The following FLT1 variants were observed in gnomAD, a reference collection of about 807,000 sequenced individuals.
The protein encoded by FLT1 is vascular endothelial growth factor receptor 1.
FLT1 carries 49 observed loss-of-function variants against 156.3 expected under a neutral mutation model. That is an observed-to-expected ratio of 0.31 (90% CI 0.25 to 0.40). The LOEUF is 0.40. Among genes scored for constraint, FLT1 ranks in the 10% least tolerant of loss-of-function variants. FLT1 has a pLI of 1.00. For synonymous variants in FLT1, 594 were observed against 583.8 expected, an observed-to-expected ratio of 1.02 and a Z score of -0.25; for missense variants, 1,322 against 1,637.2, an observed-to-expected ratio of 0.81 and a Z score of 3.32.
intron 15 of FLT1, among the ~76,000 whole-genome samples, chr13:28,356,984 A>G (rs1395618518): frequency 6.6e-6 from 1 of 152,250 alleles, no homozygotes; most frequent in Non-Finnish European, 1.5e-5. Context: ...TCTGAGACCT[A>G]TAAAGAGGAA....
At chr13:28,452,319 G>A (rs1878991320) in intron 3 of FLT1, among the ~76,000 whole-genome samples, 1 of 152,070 alleles carries the variant, frequency 6.6e-6, no homozygotes. Flanking sequence ...CCTTAAACAT[G>A]GTATTGAATT....
intron 18 of FLT1, 102 bp from the exon 19 acceptor site, chr13:28,329,830 G>A (rs1428759097): frequency 1.1e-6 from 1 of 932,476 alleles, no homozygotes; most frequent in Non-Finnish European, 1.7e-6. Context: ...TCAGCCGGTT[G>A]CTTCACTAAC....
chr13:28,381,284 C>T (rs183919266), intron 14 of FLT1, among the ~76,000 whole-genome samples: 13 of 152,270 alleles, frequency 8.5e-5, no homozygotes, highest in African/African-American at 1.4e-4. Flanking sequence ...TGGCCCTGTG[C>T]GGTGGGTCAC....
At chr13:28,425,505 A>G (rs1051838305) in intron 10 of FLT1, among the ~76,000 whole-genome samples, 1 of 148,972 alleles carries the variant, frequency 6.7e-6, no homozygotes, top group African/African-American at 2.5e-5. Flanking sequence ...CATTCCCCAA[A>G]CCATATTTTA....
intron 14 of FLT1, among the ~76,000 whole-genome samples, chr13:28,384,412 G>A (rs1874225833): frequency 7.3e-6 from 1 of 137,368 alleles, no homozygotes; most frequent in Non-Finnish European, 1.5e-5. Flanking sequence ...TGGTGTCACT[G>A]TACTCCAGCC....
chr13:28,473,504 G>C (rs1273019980), intron 1 of FLT1, among the ~76,000 whole-genome samples: 1 of 151,748 alleles, frequency 6.6e-6, no homozygotes, highest in Non-Finnish European at 1.5e-5. Flanking sequence ...AATTAGCCAG[G>C]CATGGTGGTG....
intron 18 of FLT1, 55 bp downstream of exon 18, chr13:28,333,970 T>C (rs1417513019): frequency 2.8e-6 from 3 of 1,090,884 alleles, no homozygotes; most frequent in Admixed American, 3.4e-5. Context: ...TACCAACATT[T>C]AGGAAATGCA....
intron 14 of FLT1, chr13:28,368,489 A>C: frequency 2.0e-6 from 3 of 1,519,372 alleles, no homozygotes; most frequent in Non-Finnish European, 2.6e-6. Context: ...TCTCCAACTA[A>C]AGGATAAGTT....
At chr13:28,318,270 G>A (rs976248187) in intron 24 of FLT1, among the ~76,000 whole-genome samples, 1 of 152,154 alleles carries the variant, frequency 6.6e-6, no homozygotes. Context: ...CTGAGGGAAG[G>A]GGGGCTTTGC....
intron 11 of FLT1, among the ~76,000 whole-genome samples, chr13:28,397,596 A>G (rs962034101): frequency 2.6e-5 from 4 of 152,044 alleles, no homozygotes; most frequent in Non-Finnish European, 4.4e-5. Flanking sequence ...TATGTTGCCC[A>G]GGCTGGCCTT....
intron 14 of FLT1, among the ~76,000 whole-genome samples, chr13:28,376,974 T>C (rs1272340700): frequency 6.6e-6 from 1 of 152,206 alleles, no homozygotes; most frequent in Non-Finnish European, 1.5e-5. Flanking sequence ...TTGCTGTCCA[T>C]GTACCCCTAG....
intron 14 of FLT1, among the ~76,000 whole-genome samples, chr13:28,361,875 T>G (rs1170832185): frequency 6.6e-6 from 1 of 152,236 alleles, no homozygotes; most frequent in Non-Finnish European, 1.5e-5. Flanking sequence ...GGAGTTTCAA[T>G]TCCATGTAGA....
chr13:28,493,911 C>T (rs1243577170), intron 1 of FLT1, among the ~76,000 whole-genome samples: 1 of 152,258 alleles, frequency 6.6e-6, no homozygotes, highest in Non-Finnish European at 1.5e-5. Flanking sequence ...TCAAAATCGC[C>T]CGCCCTCTCT....
At chr13:28,479,071 T>G (rs1004851292) in intron 1 of FLT1, among the ~76,000 whole-genome samples, 2 of 152,188 alleles carry the variant, frequency 1.3e-5, no homozygotes, top group Non-Finnish European at 2.9e-5. Context: ...CTGGAGTCCT[T>G]TAGACTGTTC....
intron 19 of FLT1, 38 bp from the exon 20 acceptor site, chr13:28,327,588 C>T (rs1871737657): frequency 1.4e-6 from 2 of 1,404,306 alleles, no homozygotes; most frequent in Non-Finnish European, 2.0e-6. Context: ...CTCAGCCACA[C>T]CAAGCCAGTC....
chr13:28,444,667 G>A (rs1405811856), intron 3 of FLT1, among the ~76,000 whole-genome samples: 2 of 152,054 alleles, frequency 1.3e-5, no homozygotes, highest in East Asian at 1.9e-4. Flanking sequence ...ATAATACAAA[G>A]TATGTTGTCT....
rs1454617083 is a variant in FLT1 at position 28,322,189 on chromosome 13, G to A, written c.3051+73C>T. 1.0e-6 allele frequency: 1 copy of A among 959,208 alleles called. No individual in the cohort carries two copies. Among genetic ancestry groups the A allele is most frequent in the Non-Finnish European group, 1.7e-6 (1 of 586,556 alleles). 59.4% of individuals were successfully genotyped at this position (959,208 alleles called of 1,614,324 possible). The stretch of plus-strand genomic sequence containing the variant: ...GAACATAGGTATCAGCAAATACTAG[G>A]AAAAATGAATTTATAGCAAAGGTGT... On this transcript the variant is annotated intron_variant, in intron 22 of 29. Transcript: ENST00000282397. This position sits in a 1 kb window ranked among gnomAD's most constrained non-coding sequence, Gnocchi z 4.3.
chr13:28,320,453 G>A (rs896424809), intron 23 of FLT1, among the ~76,000 whole-genome samples: 2 of 152,014 alleles, frequency 1.3e-5, no homozygotes, highest in Non-Finnish European at 2.9e-5. Context: ...CCAATTCCTG[G>A]CCCGCGGGCC....
At chr13:28,387,547 C>T in intron 13 of FLT1, 5 of 1,063,132 alleles carry the variant, frequency 4.7e-6, no homozygotes, top group Non-Finnish European at 5.7e-6. Context: ...TAGCTGCCCA[C>T]CAGGTTCTTT....
Sources: allele counts gnomAD v4.1 joint callset (sites outside exome capture counted in the v4.1 genomes callset), GRCh38; gene constraint gnomAD v4.1.1; non-coding constraint Gnocchi (gnomAD v3.1); transcripts MANE v1.5; gene names NCBI Gene and HGNC (gene_info 2026-07-23, HGNC 2026-07-21).